Variants in ALK observed in about 807,000 individuals in gnomAD.
The protein encoded by ALK is ALK tyrosine kinase receptor.
ALK carries 74 observed loss-of-function variants against 163.1 expected under a neutral mutation model. That is an observed-to-expected ratio of 0.45 (90% confidence interval 0.38 to 0.55). The LOEUF is 0.55. Among genes scored for constraint, ALK ranks in the 20% least tolerant of loss-of-function variants. The pLI is 0.00. For synonymous variants in ALK, 960 were observed against 843.2 expected, an observed-to-expected ratio of 1.14 and a Z score of -2.40; for missense variants, 2,063 against 2,105.3, an observed-to-expected ratio of 0.98 and a Z score of 0.39.
intron 1 of ALK, among the ~76,000 whole-genome samples, chr2:29,750,109 C>G (rs1346798151): frequency 1.3e-5 from 2 of 152,178 alleles, no homozygotes; most frequent in Non-Finnish European, 2.9e-5. Flanking sequence ...TTGCATGGGA[C>G]TCGAGAAGTA....
At chr2:29,750,697 A>AAGGAAGGAAGGCAGGCAGGC (rs1402085327) in intron 1 of ALK, among the ~76,000 whole-genome samples, 3 of 84,634 alleles carry the variant, frequency 3.5e-5, no homozygotes, top group Non-Finnish European at 5.4e-5. Flanking sequence ...GGAAGGAAGG[A>AAGGAAGGAAGGCAGGCAGGC]AGGCAGGCAG....
intron 5 of ALK, among the ~76,000 whole-genome samples, chr2:29,360,665 T>C (rs942132680): frequency 2.6e-5 from 4 of 152,116 alleles, no homozygotes; most frequent in Admixed American, 2.6e-4. Flanking sequence ...AGGGCAGATA[T>C]GACAGGAGCA....
intron 1 of ALK, among the ~76,000 whole-genome samples, chr2:29,913,127 G>T (rs1027346211): frequency 2.6e-5 from 4 of 151,848 alleles, no homozygotes; most frequent in Non-Finnish European, 2.9e-5. Flanking sequence ...AGAAAGGTAA[G>T]GTGCAAGAAA....
At chr2:29,829,623 G>A (rs1189970728) in intron 1 of ALK, among the ~76,000 whole-genome samples, 2 of 152,082 alleles carry the variant, frequency 1.3e-5, no homozygotes, top group African/African-American at 2.4e-5. Context: ...GAATGAGGTG[G>A]GTCCACTACT....
At chr2:29,746,217 G>A (rs1387345275) in intron 1 of ALK, among the ~76,000 whole-genome samples, 2 of 152,064 alleles carry the variant, frequency 1.3e-5, no homozygotes, top group South Asian at 2.1e-4. Context: ...CTGCTCTATC[G>A]GCTATTAGGC....
chr2:29,919,406 T>A (rs1337141574), intron 1 of ALK, among the ~76,000 whole-genome samples: 1 of 138,910 alleles, frequency 7.2e-6, no homozygotes, highest in Non-Finnish European at 1.5e-5. Context: ...AAAGGATGAG[T>A]CGAGAGTGCA....
chr2:29,225,011 C>G (rs1433043572), intron 19 of ALK, among the ~76,000 whole-genome samples: 1 of 152,220 alleles, frequency 6.6e-6, no homozygotes, highest in Non-Finnish European at 1.5e-5. Flanking sequence ...GAAATATACT[C>G]AGAAACCGAT....
intron 1 of ALK, among the ~76,000 whole-genome samples, chr2:29,837,776 A>G (rs1372039470): frequency 2.6e-5 from 4 of 152,232 alleles, no homozygotes; most frequent in Non-Finnish European, 5.9e-5. Flanking sequence ...CAATAATGTA[A>G]CACCAATAAT....
At chr2:29,600,621 C>T (rs946058251) in intron 3 of ALK, among the ~76,000 whole-genome samples, 10 of 152,188 alleles carry the variant, frequency 6.6e-5, no homozygotes, top group Non-Finnish European at 7.3e-5. Context: ...GTGGGGGCTG[C>T]TCACGTGCTC....
chr2:29,865,937 C>A (rs569037471), intron 1 of ALK, among the ~76,000 whole-genome samples: 1 of 152,068 alleles, frequency 6.6e-6, no homozygotes, highest in African/African-American at 2.4e-5. Flanking sequence ...CACCAAGGGT[C>A]GCTGGGAGCA....
chr2:29,883,665 A>T (rs1666920013), intron 1 of ALK, among the ~76,000 whole-genome samples: 2 of 152,154 alleles, frequency 1.3e-5, no homozygotes, highest in African/African-American at 4.8e-5. Context: ...CTAGGCTCAG[A>T]CCTGCTCACT....
chr2:29,201,126 G>C (rs1345849238), intron 26 of ALK, among the ~76,000 whole-genome samples: 1 of 151,496 alleles, frequency 6.6e-6, no homozygotes, highest in Non-Finnish European at 1.5e-5. Flanking sequence ...TGGTCTCCAG[G>C]TGTGATAGAG....
At chr2:29,791,949 T>C (rs956483808) in intron 1 of ALK, among the ~76,000 whole-genome samples, 1 of 152,306 alleles carries the variant, frequency 6.6e-6, no homozygotes, top group East Asian at 1.9e-4. Flanking sequence ...GTGTTTTCCA[T>C]AGATGTTTAG....
intron 11 of ALK, among the ~76,000 whole-genome samples, chr2:29,261,551 A>G (rs891663147): frequency 2.3e-4 from 35 of 152,136 alleles, no homozygotes; most frequent in Non-Finnish European, 1.2e-4. Context: ...CCTGGGCTGC[A>G]GGTTTGTTTT....
intron 1 of ALK, among the ~76,000 whole-genome samples, chr2:29,867,463 G>T (rs1231310051): frequency 3.3e-5 from 5 of 152,142 alleles, no homozygotes; most frequent in African/African-American, 1.2e-4. Context: ...GTCCCAAAAG[G>T]ATATTCAGCC....
At chr2:29,202,449 C>G (rs1233052101) in intron 26 of ALK, among the ~76,000 whole-genome samples, 1 of 152,224 alleles carries the variant, frequency 6.6e-6, no homozygotes, top group Non-Finnish European at 1.5e-5. Flanking sequence ...AATCTTTTGT[C>G]TTATTCTTGT....
intron 1 of ALK, among the ~76,000 whole-genome samples, chr2:29,770,220 A>G (rs1335300221): frequency 1.4e-5 from 2 of 146,620 alleles, no homozygotes; most frequent in African/African-American, 5.0e-5. Context: ...GAGATCTCCA[A>G]ACTCTTTCCC....
intron 1 of ALK, among the ~76,000 whole-genome samples, chr2:29,812,971 A>G (rs997453598): frequency 6.6e-6 from 1 of 152,210 alleles, no homozygotes; most frequent in African/African-American, 2.4e-5. Flanking sequence ...GATGGTGCCA[A>G]CTTGGTCCTG....
intron 2 of ALK, among the ~76,000 whole-genome samples, chr2:29,700,203 T>C (rs938723933): frequency 2.6e-5 from 4 of 152,142 alleles, no homozygotes; most frequent in Admixed American, 1.3e-4. Context: ...GAAGGGTGAA[T>C]GTACATCACA....
Sources: allele counts gnomAD v4.1 joint callset (sites outside exome capture counted in the v4.1 genomes callset), GRCh38; gene constraint gnomAD v4.1.1; transcripts MANE v1.5; gene names NCBI Gene and HGNC (gene_info 2026-07-23, HGNC 2026-07-21).